TTC17: variants seen among roughly 807,000 people sequenced by gnomAD.
TTC17 encodes the protein tetratricopeptide repeat domain 17, also known as tetratricopeptide repeat protein 17.
TTC17 carries 58 observed loss-of-function variants against 143.8 expected under a neutral mutation model. The observed-to-expected ratio is 0.40, with a 90% CI of 0.33 to 0.50. TTC17 has a LOEUF of 0.50. Ranked by LOEUF, TTC17 falls within the 20% of genes least tolerant of loss-of-function variation. The probability of loss-of-function intolerance (pLI) is 0.49; values close to 1 mark genes in which losing one functional copy is unlikely to be tolerated. For missense variants in TTC17, 1,273 were observed against 1,392.5 expected (o/e 0.91, Z 1.37); for synonymous variants, 501 against 497.8 (o/e 1.01, Z -0.09).
chr11:43,446,021 T>C, intron 18 of TTC17: 1 of 1,533,276 alleles, frequency 6.5e-7, no homozygotes, highest in Non-Finnish European at 8.7e-7. Context: ...ATGATATCCT[T>C]GTGAACCAGA....
chr11:43,446,847 C>T (rs777447414), intron 18 of TTC17: 15 of 200,238 alleles, frequency 7.5e-5, no homozygotes, highest in African/African-American at 1.7e-4. Flanking sequence ...GTGGTACTTA[C>T]GAAGGATATT....
chr11:43,379,364 C>G, intron 2 of TTC17, 42 bp downstream of exon 2: 1 of 1,526,790 alleles, frequency 6.5e-7, no homozygotes, highest in South Asian at 1.2e-5. Context: ...ATGCTTGTTG[C>G]ATTTCACAGG....
Position 43,379,340 on chromosome 11 carries a change from G to C in TTC17, c.249+18G>C, listed in dbSNP as rs1291533131. ...AATTAGAGGTGAGGCAACTGGGCAT[G>C]TGAGATGCAGCTGATGCTTGTTGCA... On this transcript the variant is annotated intron_variant, in intron 2 of 23. Coordinates refer to ENST00000039989, the MANE Select transcript of TTC17 (RefSeq NM_018259.6). 1 of 1,597,072 alleles carries C rather than the reference G, an allele frequency of 6.3e-7. No homozygotes were observed. The highest frequency in any genetic ancestry group is 1.7e-5 in the Admixed American group (1 of 58,324).
Position 43,359,058 on chromosome 11 carries a change from G to C in TTC17, c.104G>C (p.Gly35Ala), listed in dbSNP as rs745796066. ...GCCTTGCTGAGTGTGGCGGCACGAG[G>C]GGCCTTCGCCACCACGCACTGGGTC... ...LSALLSVAAR[G>A]AFATTHWVVT... Residue 35 changes from glycine (G) to alanine (A), a missense_variant, in exon 1 of 24, where the codon GGG (glycine) becomes GCG (alanine). By Grantham distance (60) the Gly-to-Ala change is moderately conservative (BLOSUM62 0). Coordinates refer to ENST00000039989, the MANE Select transcript of TTC17 (RefSeq NM_018259.6). The C allele has an allele frequency of 1.3e-6, 2 of 1,591,592 alleles. No individual in the cohort carries two copies. Among genetic ancestry groups the C allele is most frequent in the Non-Finnish European group, 1.7e-6 (2 of 1,170,478 alleles).
intron 21 of TTC17, among the ~76,000 whole-genome samples, chr11:43,468,612 A>AG (rs1447424861): frequency 6.6e-6 from 1 of 152,192 alleles, no homozygotes; most frequent in East Asian, 1.9e-4. Flanking sequence ...GAACTATACA[A>AG]GAAAAAAAAA....
chr11:43,373,082 T>C (rs112442985), intron 1 of TTC17, among the ~76,000 whole-genome samples: 1,548 of 152,302 alleles, frequency 0.01, 29 homozygotes, highest in African/African-American at 0.035. Context: ...ACAGCAGATA[T>C]CTCTGAAAGT....
At chr11:43,457,424 G>A (rs1210699725) in intron 21 of TTC17, among the ~76,000 whole-genome samples, 1 of 151,722 alleles carries the variant, frequency 6.6e-6, no homozygotes. Flanking sequence ...ACAATTTTTA[G>A]AAAAAAATAC....
intron 16 of TTC17, among the ~76,000 whole-genome samples, chr11:43,433,732 G>C (rs898790459): frequency 7.9e-5 from 12 of 152,202 alleles, no homozygotes; most frequent in Non-Finnish European, 1.5e-5. Flanking sequence ...CAAATGTTGA[G>C]GGAGGAAATC....
intron 21 of TTC17, among the ~76,000 whole-genome samples, chr11:43,456,362 A>G (rs1204179893): frequency 5.3e-5 from 8 of 152,192 alleles, no homozygotes; most frequent in Admixed American, 4.6e-4. Flanking sequence ...CAGACTGCCT[A>G]CTGTATCTAA....
chr11:43,419,293 A>C (rs1946846401), intron 16 of TTC17, among the ~76,000 whole-genome samples: 1 of 152,260 alleles, frequency 6.6e-6, no homozygotes, highest in Non-Finnish European at 1.5e-5. Flanking sequence ...TGGAACAAAA[A>C]GTAGAATTTT....
rs148173124 is a variant in TTC17 at position 43,438,567 on chromosome 11, AC to A, written c.2252-4757del. Reference sequence around the variant, plus strand: ...TGTTATTAAAGATAGTATGTGCCTTACTTGCCTTCAGAAGCCACAATCTTAA... The same window carrying A: ...TGTTATTAAAGATAGTATGTGCCTTATTGCCTTCAGAAGCCACAATCTTAA... On this transcript the variant is annotated intron_variant, in intron 16 of 23. Coordinates refer to ENST00000039989, the MANE Select transcript of TTC17 (RefSeq NM_018259.6). 8.3e-4 allele frequency among the ~76,000 whole-genome samples: 127 copies of A among 152,340 alleles called. 1 individual carries two copies. The highest frequency in any genetic ancestry group is 3.0e-3 in the African/African-American group (124 of 41,568).
intron 21 of TTC17, among the ~76,000 whole-genome samples, chr11:43,467,972 C>A (rs983072065): frequency 6.6e-6 from 1 of 151,822 alleles, no homozygotes; most frequent in Non-Finnish European, 1.5e-5. Context: ...GAATTTATTT[C>A]CTAAGAATTA....
chr11:43,391,981 C>G, intron 5 of TTC17, 29 bp downstream of exon 5: 1 of 1,573,252 alleles, frequency 6.4e-7, no homozygotes, highest in Non-Finnish European at 8.6e-7. Flanking sequence ...AAAGAGCCAG[C>G]GGGCTGAGCC....
At position 43,410,816 on chromosome 11, in the gene TTC17, A is replaced by G. The variant is rs528769527; in HGVS notation, c.2064+3239A>G. ...AGCTATCTTTCCAGTTGCTCAGACC[A>G]AAAACTTAGGGGCTTCCTTCATACC... On this transcript the variant is annotated intron_variant, in intron 15 of 23. Transcript: ENST00000039989. Among the ~76,000 whole-genome samples, 14 of 152,348 alleles carry G rather than the reference A, an allele frequency of 9.2e-5. No individual in the cohort carries two copies. In the South Asian group the frequency reaches 2.7e-3, roughly 29 times the overall value.
At chr11:43,462,950 C>G (rs778638128) in intron 21 of TTC17, among the ~76,000 whole-genome samples, 5 of 101,942 alleles carry the variant, frequency 4.9e-5, no homozygotes, top group Non-Finnish European at 3.5e-5. Context: ...GAGTCTCACT[C>G]TATTGCCCAG....
At chr11:43,473,883 A>G (rs1297497354) in intron 21 of TTC17, among the ~76,000 whole-genome samples, 1 of 135,772 alleles carries the variant, frequency 7.4e-6, no homozygotes, top group Non-Finnish European at 1.6e-5. Context: ...ACTCTGTCTC[A>G]AAAAAAAAAA....
At chr11:43,396,920 T>G in intron 6 of TTC17, 102 bp downstream of exon 6, 1 of 554,320 alleles carries the variant, frequency 1.8e-6, no homozygotes, top group Non-Finnish European at 3.0e-6. Flanking sequence ...CATTATATAC[T>G]TTTCTCCATC....
intron 16 of TTC17, among the ~76,000 whole-genome samples, chr11:43,442,087 A>G (rs1376424622): frequency 6.6e-5 from 10 of 152,208 alleles, no homozygotes; most frequent in Admixed American, 5.9e-4. Flanking sequence ...CTCCTAGGCT[A>G]CAAACCTCTA....
intron 15 of TTC17, among the ~76,000 whole-genome samples, chr11:43,410,629 C>G (rs558307977): frequency 3.9e-5 from 6 of 152,152 alleles, no homozygotes; most frequent in Admixed American, 2.6e-4. Context: ...TTGAATTACC[C>G]GTCACCTTTG....
Sources: allele counts gnomAD v4.1 joint callset (sites outside exome capture counted in the v4.1 genomes callset), GRCh38; gene constraint gnomAD v4.1.1; transcripts MANE v1.5; gene names NCBI Gene and HGNC (gene_info 2026-07-23, HGNC 2026-07-21).